Variants in XKR6 observed in about 807,000 individuals in gnomAD.
The protein encoded by XKR6 is XK related 6.
A neutral mutation model predicts 56.7 loss-of-function variants in XKR6; 22 were observed. The observed-to-expected ratio is 0.39, with a 90% CI of 0.28 to 0.55. The LOEUF (loss-of-function observed/expected upper bound fraction) is 0.55, where lower values mean the gene tolerates loss of function less well. XKR6 is among the 20% of genes least tolerant of loss of function. XKR6 has a pLI of 0.66. For synonymous variants in XKR6, 524 were observed against 387.8 expected, an observed-to-expected ratio of 1.35 and a Z score of -4.13; for missense variants, 852 against 889.0, an observed-to-expected ratio of 0.96 and a Z score of 0.53.
intron 1 of XKR6, among the ~76,000 whole-genome samples, chr8:11,067,324 G>A (rs1313321000): frequency 1.3e-5 from 2 of 152,124 alleles, no homozygotes; most frequent in Non-Finnish European, 2.9e-5. Flanking sequence ...TTGCCTCCCG[G>A]ACACCTGGAG....
chr8:10,983,502 A>G (rs1266163565), intron 1 of XKR6, among the ~76,000 whole-genome samples: 1 of 152,198 alleles, frequency 6.6e-6, no homozygotes, highest in Non-Finnish European at 1.5e-5. Flanking sequence ...AACAATTATC[A>G]CAGAAAAAAA....
At chr8:10,970,639 T>C (rs1055200957) in intron 1 of XKR6, among the ~76,000 whole-genome samples, 14 of 152,128 alleles carry the variant, frequency 9.2e-5, no homozygotes, top group African/African-American at 3.4e-4. Context: ...CTCAGTGTTT[T>C]TCCTCATCAG....
intron 1 of XKR6, among the ~76,000 whole-genome samples, chr8:11,187,999 T>C (rs1475899987): frequency 1.3e-5 from 2 of 152,244 alleles, no homozygotes; most frequent in East Asian, 1.9e-4. Context: ...CAAAGTTACA[T>C]AGTTTTAAGT....
chr8:11,188,223 A>G (rs549301882), intron 1 of XKR6, among the ~76,000 whole-genome samples: 1 of 152,318 alleles, frequency 6.6e-6, no homozygotes, highest in Admixed American at 6.5e-5. Context: ...AACATGCCTG[A>G]CACATATCAC....
intron 1 of XKR6, among the ~76,000 whole-genome samples, chr8:11,119,905 C>G (rs1799363533): frequency 6.6e-6 from 1 of 152,160 alleles, no homozygotes. Context: ...AAACGTAATC[C>G]AGCATATAAA....
chr8:11,136,738 G>A (rs1441104165), intron 1 of XKR6, among the ~76,000 whole-genome samples: 3 of 152,062 alleles, frequency 2.0e-5, no homozygotes, highest in African/African-American at 7.2e-5. Context: ...AACTCGGATG[G>A]CATCTGAATC....
intron 1 of XKR6, among the ~76,000 whole-genome samples, chr8:11,091,901 T>G (rs1378883869): frequency 6.6e-6 from 1 of 152,190 alleles, no homozygotes; most frequent in Non-Finnish European, 1.5e-5. Flanking sequence ...ATCGTAAGCA[T>G]TCAATAAATA....
chr8:10,898,195 A>G lies in XKR6; in HGVS notation c.1683T>C (p.Pro561=), dbSNP rs2129106387. 2 of 1,614,118 alleles carry G rather than the reference A, an allele frequency of 1.2e-6. No homozygotes were observed. Among genetic ancestry groups the G allele is most frequent in the South Asian group, 2.2e-5 (2 of 91,074 alleles). Residue 561 remains proline (P), a synonymous_variant, in exon 3 of 3, where the codon CCT becomes CCC. Transcript: ENST00000416569. The surrounding 1 kb of genome is among the most constrained non-coding windows in gnomAD (Gnocchi z 6.6). The part of the protein sequence containing the change: ...QEDLTADTCL[P]VFQVRPMGPP... ...GCCCCATGGGTCTCACTTGGAAAAC[A>G]GGCAAGCAAGTGTCAGCCGTGAGAT...
intron 1 of XKR6, among the ~76,000 whole-genome samples, chr8:11,197,865 G>A (rs535218570): frequency 3.2e-4 from 48 of 151,576 alleles, no homozygotes; most frequent in Admixed American, 1.4e-3. Context: ...TTATTAAATC[G>A]GTGTTGTGCT....
At chr8:10,972,673 A>G (rs559656048) in intron 1 of XKR6, among the ~76,000 whole-genome samples, 1 of 152,314 alleles carries the variant, frequency 6.6e-6, no homozygotes, top group South Asian at 2.1e-4. Flanking sequence ...ACATTCACAG[A>G]CAAAGTAGAA....
intron 1 of XKR6, among the ~76,000 whole-genome samples, chr8:11,198,803 G>C (rs921493093): frequency 2.0e-5 from 3 of 151,960 alleles, no homozygotes; most frequent in African/African-American, 7.3e-5. Flanking sequence ...AAGCCTACCA[G>C]TACATGCTGC....
At chr8:11,143,216 G>A (rs967352287) in intron 1 of XKR6, among the ~76,000 whole-genome samples, 1 of 152,084 alleles carries the variant, frequency 6.6e-6, no homozygotes, top group Admixed American at 6.5e-5. Flanking sequence ...GTGAAAACCA[G>A]ACGATACACA....
chr8:11,149,527 T>C (rs970969190), intron 1 of XKR6, among the ~76,000 whole-genome samples: 1 of 152,066 alleles, frequency 6.6e-6, no homozygotes, highest in African/African-American at 2.4e-5. Flanking sequence ...ATATTTAAAA[T>C]CATACTGCAT....
At chr8:11,193,693 A>G (rs1406504748) in intron 1 of XKR6, among the ~76,000 whole-genome samples, 2 of 151,712 alleles carry the variant, frequency 1.3e-5, no homozygotes, top group African/African-American at 2.4e-5. Context: ...AAGTTAAAGA[A>G]CACATCTCAA....
intron 1 of XKR6, chr8:11,062,919 T>G: frequency 2.2e-6 from 1 of 450,216 alleles, no homozygotes; most frequent in South Asian, 1.6e-5. Flanking sequence ...CAGGTAATTC[T>G]CTATTCTCTT....
At chr8:11,016,793 C>A (rs1283155451) in intron 1 of XKR6, among the ~76,000 whole-genome samples, 2 of 152,248 alleles carry the variant, frequency 1.3e-5, no homozygotes, top group African/African-American at 4.8e-5. Context: ...GCTCCCCCAC[C>A]ACTCTTCTCT....
At chr8:11,123,741 C>G (rs762649058) in intron 1 of XKR6, 6 of 420,218 alleles carry the variant, frequency 1.4e-5, no homozygotes, top group South Asian at 1.0e-4. Context: ...ATATGCACCC[C>G]TACCCCGGGA....
chr8:11,016,115 G>T (rs949948600), intron 1 of XKR6, among the ~76,000 whole-genome samples: 4 of 152,194 alleles, frequency 2.6e-5, no homozygotes, highest in Non-Finnish European at 5.9e-5. Context: ...GCTCCGCTCT[G>T]TGGCCCCCTC....
intron 1 of XKR6, among the ~76,000 whole-genome samples, chr8:10,992,649 G>A (rs367586790): frequency 6.7e-6 from 1 of 148,782 alleles, no homozygotes; most frequent in Non-Finnish European, 1.5e-5. Flanking sequence ...AAAGAACCTA[G>A]AGCAGATCCC....
Sources: allele counts gnomAD v4.1 joint callset (sites outside exome capture counted in the v4.1 genomes callset), GRCh38; gene constraint gnomAD v4.1.1; non-coding constraint Gnocchi (gnomAD v3.1); transcripts MANE v1.5; gene names NCBI Gene and HGNC (gene_info 2026-07-23, HGNC 2026-07-21).